Variants in ASTN2 observed in about 807,000 individuals in gnomAD.
The protein encoded by ASTN2 is astrotactin-2.
Under a neutral mutation model 139.8 loss-of-function variants are expected in ASTN2, and 54 were observed. The observed-to-expected ratio is 0.39, with a 90% confidence interval of 0.31 to 0.48. The LOEUF (loss-of-function observed/expected upper bound fraction) is 0.48, where lower values mean the gene tolerates loss of function less well. Ranked by LOEUF, ASTN2 falls within the 20% of genes least tolerant of loss-of-function variation. The pLI, the probability that ASTN2 is intolerant of heterozygous loss-of-function variation, is 0.95. For missense variants in ASTN2, 1,565 were observed against 1,725.1 expected (o/e 0.91, Z 1.64); for synonymous variants, 756 against 719.5 (o/e 1.05, Z -0.81).
Position 116,507,202 on chromosome 9 carries a change from C to A in ASTN2, c.3356-19702G>T, listed in dbSNP as rs549902345. On this transcript the variant is annotated intron_variant, in intron 19 of 22. Coordinates refer to ENST00000313400, the MANE Select transcript of ASTN2 (RefSeq NM_001365068.1). ...CCAAACTTACACCAATAGTGAGCAACAGTTTTGAGATTAGGACCCAGAGAT... is the reference window on the plus strand; with the variant it reads ...CCAAACTTACACCAATAGTGAGCAAAAGTTTTGAGATTAGGACCCAGAGAT... Among the ~76,000 whole-genome samples, 30 of 152,262 alleles carry A rather than the reference C, an allele frequency of 2.0e-4. 1 individual carries two copies. The highest frequency in any genetic ancestry group is 9.2e-4 in the Admixed American group (14 of 15,292).
chr9:117,116,621 G>T (rs1407131615), intron 4 of ASTN2, among the ~76,000 whole-genome samples: 1 of 149,156 alleles, frequency 6.7e-6, no homozygotes, highest in Non-Finnish European at 1.5e-5. Context: ...TAGTCTAGGA[G>T]AATGGTGATT....
At chr9:116,964,103 C>A (rs1336768761) in intron 10 of ASTN2, among the ~76,000 whole-genome samples, 2 of 152,066 alleles carry the variant, frequency 1.3e-5, no homozygotes, top group African/African-American at 2.4e-5. Flanking sequence ...CTGGGATCCT[C>A]TTTGATATTA....
At chr9:117,212,650 A>G (rs1588087543) in intron 3 of ASTN2, among the ~76,000 whole-genome samples, 3 of 152,318 alleles carry the variant, frequency 2.0e-5, no homozygotes, top group Middle Eastern at 3.4e-3. Context: ...AAATTTCTCA[A>G]AAGACATACA....
rs756382206 is a variant in ASTN2 at position 116,518,272 on chromosome 9, C to G, written c.3356-30772G>C. Among the ~76,000 whole-genome samples, 97 of 152,030 alleles carry G rather than the reference C, an allele frequency of 6.4e-4. 3 individuals carry two copies. The highest frequency in any genetic ancestry group is 1.3e-4 in the Admixed American group (2 of 15,252). ...GCTGTGAGGCAAAAACATCAGGTAACCTATAAAAGAAAACCTATCAGATTA... is the reference window on the plus strand; with the variant it reads ...GCTGTGAGGCAAAAACATCAGGTAAGCTATAAAAGAAAACCTATCAGATTA... On this transcript the variant is annotated intron_variant, in intron 19 of 22. Coordinates refer to ENST00000313400, the MANE Select transcript of ASTN2 (RefSeq NM_001365068.1).
chr9:116,428,288 G>A (rs941629553), intron 22 of ASTN2, among the ~76,000 whole-genome samples: 1 of 152,174 alleles, frequency 6.6e-6, no homozygotes, highest in African/African-American at 2.4e-5. Context: ...CACTTTAGGA[G>A]GCCAAGGCGG....
At chr9:117,271,609 G>T (rs185843225) in intron 2 of ASTN2, among the ~76,000 whole-genome samples, 2 of 152,274 alleles carry the variant, frequency 1.3e-5, no homozygotes, top group Non-Finnish European at 2.9e-5. Flanking sequence ...AAAATCAAAA[G>T]CAAGGTAGTT....
At chr9:117,275,093 C>T (rs1465701331) in intron 2 of ASTN2, among the ~76,000 whole-genome samples, 1 of 152,194 alleles carries the variant, frequency 6.6e-6, no homozygotes, top group African/African-American at 2.4e-5. Context: ...CATTGTATAT[C>T]AAAGACTGCC....
chr9:117,359,663 C>T (rs1030456330), intron 1 of ASTN2, among the ~76,000 whole-genome samples: 8 of 152,062 alleles, frequency 5.3e-5, no homozygotes, highest in African/African-American at 1.9e-4. Flanking sequence ...GATCAGTAGC[C>T]AGCACAGTGT....
At chr9:117,006,486 C>G (rs974623184) in intron 7 of ASTN2, among the ~76,000 whole-genome samples, 1 of 152,144 alleles carries the variant, frequency 6.6e-6, no homozygotes, top group Non-Finnish European at 1.5e-5. Context: ...TATCCAGAAT[C>G]TGATCACTGT....
rs57186974 is a variant in ASTN2 at position 117,045,991 on chromosome 9, CGTATGTAT to C, written c.1277-6034_1277-6027del. ...ATGTATGTATGTATGTACGTACGTA[CGTATGTAT>C]GTATGTATGTATGTATGTATGTATG... On this transcript the variant is annotated intron_variant, in intron 5 of 22. Coordinates refer to ENST00000313400, the MANE Select transcript of ASTN2 (RefSeq NM_001365068.1). Among the ~76,000 whole-genome samples the C allele has an allele frequency of 9.1e-5, 13 of 143,068 alleles. 1 individual carries two copies. In the South Asian group the frequency reaches 9.3e-4, roughly 10 times the overall value. The allele number at this position is 143,068 out of a possible 152,430, so 93.9% of individuals were successfully genotyped here.
intron 1 of ASTN2, among the ~76,000 whole-genome samples, chr9:117,356,835 G>T (rs967082787): frequency 6.6e-6 from 1 of 152,066 alleles, no homozygotes; most frequent in Non-Finnish European, 1.5e-5. Context: ...GGCTGAGGTG[G>T]GTGAATCACT....
intron 2 of ASTN2, among the ~76,000 whole-genome samples, chr9:117,253,917 T>C (rs998981606): frequency 6.6e-5 from 10 of 152,142 alleles, no homozygotes; most frequent in African/African-American, 2.4e-4. Flanking sequence ...CAGAGGTTCT[T>C]ATCTGCATGA....
chr9:116,948,657 C>T (rs1835464706), intron 10 of ASTN2, among the ~76,000 whole-genome samples: 1 of 149,116 alleles, frequency 6.7e-6, no homozygotes, highest in Non-Finnish European at 1.5e-5. Context: ...GGTTGCTGTC[C>T]TTGAGCCCTT....
chr9:116,544,307 A>C (rs1164332477), intron 19 of ASTN2, among the ~76,000 whole-genome samples: 2 of 152,196 alleles, frequency 1.3e-5, no homozygotes, highest in Non-Finnish European at 2.9e-5. Context: ...GAAACCCTCC[A>C]TGTCTAATCA....
At chr9:116,983,041 T>C (rs1338688199) in intron 7 of ASTN2, among the ~76,000 whole-genome samples, 1 of 152,186 alleles carries the variant, frequency 6.6e-6, no homozygotes, top group Non-Finnish European at 1.5e-5. Context: ...ACCCTGTCAT[T>C]CTATGATTCC....
chr9:117,260,033 C>G (rs1833784580), intron 2 of ASTN2, among the ~76,000 whole-genome samples: 1 of 152,144 alleles, frequency 6.6e-6, no homozygotes, highest in Non-Finnish European at 1.5e-5. Context: ...TTCTTGCTTT[C>G]CTTTCTTTTA....
intron 10 of ASTN2, among the ~76,000 whole-genome samples, chr9:116,915,847 C>T (rs982218692): frequency 2.0e-5 from 3 of 152,124 alleles, no homozygotes; most frequent in Non-Finnish European, 2.9e-5. Context: ...AGTTTTGTGA[C>T]CTGTTCTGAC....
chr9:117,298,674 A>G (rs895830589), intron 1 of ASTN2, among the ~76,000 whole-genome samples: 5 of 126,634 alleles, frequency 3.9e-5, no homozygotes, highest in African/African-American at 1.4e-4. Context: ...ATATGTGTAT[A>G]TATATATATA....
chr9:116,710,913 A>G lies in ASTN2; in HGVS notation c.2806+14858T>C, dbSNP rs1828137902. On this transcript the variant is annotated intron_variant, in intron 16 of 22. Transcript: ENST00000313400. ...GATATGAAACTTGTTTGACACATTT[A>G]ATGATTCTGTAAAAGTGTAAGAAAT... Among the ~76,000 whole-genome samples, 6 of 152,270 alleles carry G rather than the reference A, an allele frequency of 3.9e-5. 1 individual carries two copies. In the South Asian group the frequency reaches 1.2e-3, roughly 32 times the overall value.
Sources: gnomAD v4.1 joint callset for allele counts (sites outside exome capture counted in the v4.1 genomes callset) on GRCh38, gnomAD v4.1.1 for gene constraint, MANE v1.5 for transcripts, NCBI Gene and HGNC (gene_info 2026-07-23, HGNC 2026-07-21) for gene names.